Variants in AUTS2 observed in about 807,000 individuals in gnomAD.
The protein encoded by AUTS2 is autism susceptibility gene 2 protein.
A neutral mutation model predicts 112.4 loss-of-function variants in AUTS2; 17 were observed. That is an observed-to-expected ratio of 0.15 (90% confidence interval 0.10 to 0.23). The LOEUF (loss-of-function observed/expected upper bound fraction) is 0.23, where lower values mean the gene tolerates loss of function less well. Among genes scored for constraint, AUTS2 ranks in the 10% least tolerant of loss-of-function variants. The probability of loss-of-function intolerance (pLI) is 1.00; values close to 1 mark genes in which losing one functional copy is unlikely to be tolerated. For missense variants in AUTS2, 1,510 were observed against 1,701.6 expected (o/e 0.89, Z 1.98); for synonymous variants, 751 against 702.7 (o/e 1.07, Z -1.09).
chr7:69,789,386 G>A (rs1009065278), intron 1 of AUTS2, among the ~76,000 whole-genome samples: 4 of 152,202 alleles, frequency 2.6e-5, no homozygotes, highest in South Asian at 2.1e-4. Context: ...GAATCAGTGC[G>A]TTAGATGATC....
At chr7:70,564,477 A>T (rs892898122) in intron 5 of AUTS2, among the ~76,000 whole-genome samples, 1 of 152,254 alleles carries the variant, frequency 6.6e-6, no homozygotes, top group Non-Finnish European at 1.5e-5. Flanking sequence ...TACAGGATAC[A>T]TGATACAGCT....
chr7:70,785,447 G>A lies in AUTS2; in HGVS notation c.2224+428G>A, dbSNP rs538108692. 2.8e-4 allele frequency: 134 copies of A among 475,322 alleles called. 1 individual carries two copies. The highest frequency in any genetic ancestry group is 1.7e-3 in the South Asian group (111 of 64,732). The allele number at this position is 475,322 out of a possible 1,614,324, so 29.4% of individuals were successfully genotyped here. ...GAGTTATTCTACATCTCACTGCCCC[G>A]ATAAATGAGTCTCTTCCTAATAAAG... On this transcript the variant is annotated intron_variant, in intron 16 of 18. Transcript: ENST00000342771.
intron 1 of AUTS2, among the ~76,000 whole-genome samples, chr7:69,716,134 T>C (rs1411634010): frequency 6.6e-6 from 1 of 152,160 alleles, no homozygotes; most frequent in Non-Finnish European, 1.5e-5. Context: ...TCCTGTCAAA[T>C]GATAAGATTG....
intron 1 of AUTS2, among the ~76,000 whole-genome samples, chr7:69,614,322 T>TTCTTTCTTTCTTTCTTTCTTTCTC (rs1271669903): frequency 1.2e-4 from 7 of 60,772 alleles, no homozygotes; most frequent in African/African-American, 3.9e-4. Context: ...GTCTCTTTCT[T>TTCTTTCTTTCTTTCTTTCTTTCTC]TCTTTCTTTC....
At chr7:70,444,343 C>A (rs891721291) in intron 5 of AUTS2, among the ~76,000 whole-genome samples, 2 of 138,690 alleles carry the variant, frequency 1.4e-5, no homozygotes, top group Non-Finnish European at 3.1e-5. Flanking sequence ...TGGTCATGTA[C>A]GTGTGTGTGT....
intron 4 of AUTS2, among the ~76,000 whole-genome samples, chr7:70,182,547 G>A (rs1281901720): frequency 5.3e-5 from 8 of 152,180 alleles, no homozygotes; most frequent in African/African-American, 1.9e-4. Context: ...AAATCGAACT[G>A]AATGGATCAT....
At chr7:70,487,720 G>A (rs368329192) in intron 5 of AUTS2, among the ~76,000 whole-genome samples, 2 of 152,174 alleles carry the variant, frequency 1.3e-5, no homozygotes, top group South Asian at 2.1e-4. Flanking sequence ...GGGACTGGAG[G>A]CGTGCTGACA....
chr7:70,173,293 G>A lies in AUTS2; in HGVS notation c.660+38722G>A, dbSNP rs199821748. 4.6e-5 allele frequency among the ~76,000 whole-genome samples: 7 copies of A among 151,832 alleles called. No homozygotes were observed. In the South Asian group the frequency reaches 6.3e-4, roughly 14 times the overall value. Reference sequence around the variant, plus strand: ...GGAGAATGGCGTGAACCCGGGAGGCGGAGCTTGCAGTGAGCCGAGGTCGTG... The same window carrying A: ...GGAGAATGGCGTGAACCCGGGAGGCAGAGCTTGCAGTGAGCCGAGGTCGTG... On this transcript the variant is annotated intron_variant, in intron 4 of 18. Transcript: ENST00000342771.
At position 70,528,008 on chromosome 7, in the gene AUTS2, C is replaced by G. The variant is rs1301303316; in HGVS notation, c.690+92227C>G. Among the ~76,000 whole-genome samples, 4 of 151,222 alleles carry G rather than the reference C, an allele frequency of 2.6e-5. 1 individual carries two copies. Among genetic ancestry groups the G allele is most frequent in the African/African-American group, 9.7e-5 (4 of 41,174 alleles). On this transcript the variant is annotated intron_variant, in intron 5 of 18. Coordinates refer to ENST00000342771, the MANE Select transcript of AUTS2 (RefSeq NM_015570.4). ...CACACCTGCTTTAGCTATTCTTGTT[C>G]AAAGCCTATAGTTGTAAATTTAGAG...
chr7:69,964,637 T>C lies in AUTS2; in HGVS notation c.522+65139T>C, dbSNP rs763044481. On this transcript the variant is annotated intron_variant, in intron 2 of 18. Coordinates refer to ENST00000342771, the MANE Select transcript of AUTS2 (RefSeq NM_015570.4). ...CTTAACTACTTGATTACCCAGATTC[T>C]AGCTTTTTGGAATCTTTCATTACCT... 1.1e-3 allele frequency among the ~76,000 whole-genome samples: 160 copies of C among 151,968 alleles called. 1 individual carries two copies. Among genetic ancestry groups the C allele is most frequent in the Admixed American group, 1.4e-3 (21 of 15,246 alleles).
chr7:70,771,775 T>G, intron 11 of AUTS2, 131 bp downstream of exon 11: 1 of 623,274 alleles, frequency 1.6e-6, no homozygotes, highest in Non-Finnish European at 2.6e-6. Context: ...CCACTGGGAT[T>G]AGAGTGAGCC....
chr7:70,110,793 G>C (rs1008831054), intron 2 of AUTS2, among the ~76,000 whole-genome samples: 1 of 148,154 alleles, frequency 6.7e-6, no homozygotes, highest in Non-Finnish European at 1.5e-5. Context: ...AATGAAACTT[G>C]TCTAATTGCA....
chr7:70,009,578 G>A lies in AUTS2; in HGVS notation c.523-108554G>A, dbSNP rs564014017. ...GCACTGAAGTATTGCATTTTTCCTC[G>A]TGGTTTTATGCACCTACTAAGTGCA... On this transcript the variant is annotated intron_variant, in intron 2 of 18. Transcript: ENST00000342771. 8.0e-4 allele frequency among the ~76,000 whole-genome samples: 122 copies of A among 152,236 alleles called. No individual in the cohort carries two copies. In the Middle Eastern group the frequency reaches 0.027, roughly 34 times the overall value.
intron 2 of AUTS2, among the ~76,000 whole-genome samples, chr7:69,963,823 C>T (rs1584499572): frequency 1.3e-5 from 2 of 152,158 alleles, no homozygotes; most frequent in Admixed American, 6.6e-5. Context: ...CTTCAGTCTT[C>T]AAAGCTCTTA....
At chr7:69,602,856 A>G (rs957969806) in intron 1 of AUTS2, among the ~76,000 whole-genome samples, 1 of 152,240 alleles carries the variant, frequency 6.6e-6, no homozygotes, top group African/African-American at 2.4e-5. Flanking sequence ...GTGCTATCAC[A>G]TTGTGTCCAT....
At chr7:70,150,094 A>G (rs1009993454) in intron 4 of AUTS2, among the ~76,000 whole-genome samples, 15 of 152,158 alleles carry the variant, frequency 9.9e-5, no homozygotes, top group African/African-American at 3.6e-4. Flanking sequence ...ACGTAAATTA[A>G]GTGAACTTGA....
chr7:70,599,296 T>C (rs914650193), intron 5 of AUTS2, among the ~76,000 whole-genome samples: 1 of 152,224 alleles, frequency 6.6e-6, no homozygotes, highest in South Asian at 2.1e-4. Context: ...GTAACCCAGT[T>C]CCATGGCCTG....
At chr7:69,686,652 G>A (rs944864867) in intron 1 of AUTS2, among the ~76,000 whole-genome samples, 2 of 152,202 alleles carry the variant, frequency 1.3e-5, no homozygotes, top group Non-Finnish European at 2.9e-5. Flanking sequence ...ATTTGGGTAT[G>A]CTGTATAAAG....
intron 1 of AUTS2, among the ~76,000 whole-genome samples, chr7:69,883,489 C>A (rs953756088): frequency 1.4e-4 from 21 of 152,124 alleles, no homozygotes; most frequent in African/African-American, 4.3e-4. Flanking sequence ...TTGTTTCCAA[C>A]CCAGCTCTTC....
Sources: gnomAD v4.1 joint callset for allele counts (sites outside exome capture counted in the v4.1 genomes callset) on GRCh38, gnomAD v4.1.1 for gene constraint, MANE v1.5 for transcripts, NCBI Gene and HGNC (gene_info 2026-07-23, HGNC 2026-07-21) for gene names.